The following SAP130 variants were observed in gnomAD, a reference collection of about 807,000 sequenced individuals.
SAP130 encodes histone deacetylase complex subunit SAP130.
A neutral mutation model predicts 103.2 loss-of-function variants in SAP130; 16 were observed. The observed-to-expected ratio is 0.16, with a 90% CI of 0.10 to 0.24. The LOEUF (loss-of-function observed/expected upper bound fraction) is 0.24, where lower values mean the gene tolerates loss of function less well. SAP130 is among the 10% of genes least tolerant of loss of function. The pLI, the probability that SAP130 is intolerant of heterozygous loss-of-function variation, is 1.00. For missense variants in SAP130, 990 were observed against 1,359.7 expected (o/e 0.73, Z 4.28); for synonymous variants, 477 against 497.0 (o/e 0.96, Z 0.53).
At chr2:127,975,588 A>T (rs2104905323) in intron 15 of SAP130, among the ~76,000 whole-genome samples, 1 of 152,346 alleles carries the variant, frequency 6.6e-6, no homozygotes, top group South Asian at 2.1e-4. Flanking sequence ...CAATTATTCA[A>T]GGCTGAAGCG....
chr2:127,996,140 G>C lies in SAP130; in HGVS notation c.1355+210C>G, dbSNP rs566211469. On this transcript the variant is annotated intron_variant, in intron 11 of 20. Coordinates refer to ENST00000643581, the MANE Select transcript of SAP130 (RefSeq NM_001330301.2). This position sits in a 1 kb window ranked among gnomAD's most constrained non-coding sequence, Gnocchi z 4.3. Reference sequence around the variant, plus strand: ...GTTAAACACACAAAACCCAAAAAATGGATACTAGGAAAACATCCATCAAAA... The same window carrying C: ...GTTAAACACACAAAACCCAAAAAATCGATACTAGGAAAACATCCATCAAAA... 8.6e-5 allele frequency among the ~76,000 whole-genome samples: 13 copies of C among 151,898 alleles called. No individual in the cohort carries two copies. The South Asian group carries it at 1.0e-3, about 12-fold the overall frequency.
chr2:128,026,242 G>A lies in SAP130; in HGVS notation c.51C>T (p.Ser17=), dbSNP rs1685488457. ...PRLGAPSTGL[S]QAPSQIANSG... ...TGTTTGCAATCTGAGAAGGGGCCTGGCTCAGCCCGGTAGAAGGGGCTCCTA... is the reference window on the plus strand; with the variant it reads ...TGTTTGCAATCTGAGAAGGGGCCTGACTCAGCCCGGTAGAAGGGGCTCCTA... Residue 17 remains serine (S), a synonymous_variant, in exon 2 of 21, where the codon AGC becomes AGT. Transcript: ENST00000643581. 1 of 1,614,098 alleles carries A rather than the reference G, an allele frequency of 6.2e-7. No homozygotes were observed. Among genetic ancestry groups the A allele is most frequent in the South Asian group, 1.1e-5 (1 of 91,074 alleles).
Position 127,954,972 on chromosome 2 carries a change from A to G in SAP130, c.2422+14T>C. ...GGCAATTGCCAATGGAGAGTATTCT[A>G]TGGACGGACTTACCAGAAACTGGCC... is the stretch of plus-strand genomic sequence containing the variant. On this transcript the variant is annotated intron_variant, in intron 16 of 20. Transcript: ENST00000643581. The G allele has an allele frequency of 1.3e-6, 2 of 1,566,800 alleles. No homozygotes were observed. The highest frequency in any genetic ancestry group is 1.3e-5 in the African/African-American group (1 of 74,270).
At chr2:127,991,999 T>C (rs1184338073) in intron 12 of SAP130, among the ~76,000 whole-genome samples, 2 of 152,150 alleles carry the variant, frequency 1.3e-5, no homozygotes, top group Non-Finnish European at 2.9e-5. Flanking sequence ...TGAGACAGGC[T>C]CTCACTTTGT....
intron 15 of SAP130, among the ~76,000 whole-genome samples, chr2:127,975,214 T>C (rs142966038): frequency 6.6e-6 from 1 of 152,322 alleles, no homozygotes; most frequent in African/African-American, 2.4e-5. Context: ...ACAAAGCATG[T>C]AGTTGTGTTG....
rs1681756496 is a variant in SAP130, at chr2:127,980,082, T to C, written c.1959-1993A>G. On this transcript the variant is annotated intron_variant, in intron 14 of 20. Transcript: ENST00000643581. Reference sequence around the variant, plus strand: ...TTACTAGAGACGGGGTTTCACCATGTTGGCCAGGCTGGTCTCGATCTCCTG... The same window carrying C: ...TTACTAGAGACGGGGTTTCACCATGCTGGCCAGGCTGGTCTCGATCTCCTG... Among the ~76,000 whole-genome samples, 3 of 152,208 alleles carry C rather than the reference T, an allele frequency of 2.0e-5. No homozygotes were observed. The South Asian group carries it at 6.2e-4, about 32-fold the overall frequency.
At chr2:127,959,250 G>C (rs1198251671) in intron 15 of SAP130, among the ~76,000 whole-genome samples, 4 of 152,056 alleles carry the variant, frequency 2.6e-5, no homozygotes, top group Non-Finnish European at 5.9e-5. Context: ...TGATAACATG[G>C]AAATGCAAAA....
At chr2:127,944,515 C>T (rs184571431) in intron 19 of SAP130, among the ~76,000 whole-genome samples, 3 of 152,044 alleles carry the variant, frequency 2.0e-5, no homozygotes, top group Admixed American at 2.0e-4. Context: ...CTGCAACCTC[C>T]ACCTTCTGGT....
At chr2:127,947,035 G>C (rs1040168282) in intron 18 of SAP130, among the ~76,000 whole-genome samples, 17 of 150,912 alleles carry the variant, frequency 1.1e-4, no homozygotes, top group Non-Finnish European at 2.1e-4. Flanking sequence ...AGGAGAGAGA[G>C]AGAGAAAGGA....
intron 15 of SAP130, among the ~76,000 whole-genome samples, chr2:127,965,641 T>C (rs778520388): frequency 2.6e-5 from 4 of 151,612 alleles, no homozygotes; most frequent in Non-Finnish European, 5.9e-5. Context: ...AATACAAAAA[T>C]TAGCTGGGCA....
chr2:128,016,655 T>C (rs1684809811), intron 3 of SAP130, 108 bp from the exon 4 acceptor site: 1 of 1,210,492 alleles, frequency 8.3e-7, no homozygotes, highest in Non-Finnish European at 1.1e-6. Context: ...CCAGGAAAGA[T>C]GCCGTAAGCT....
intron 2 of SAP130, among the ~76,000 whole-genome samples, chr2:128,018,704 A>G (rs1287462613): frequency 1.3e-5 from 2 of 151,826 alleles, no homozygotes; most frequent in African/African-American, 4.8e-5. Flanking sequence ...AGGGAGGAGG[A>G]TCACTTAACC....
chr2:127,979,490 GAA>G (rs869027951), intron 14 of SAP130, among the ~76,000 whole-genome samples: 1 of 76,676 alleles, frequency 1.3e-5, no homozygotes, highest in Non-Finnish European at 3.3e-5. Flanking sequence ...TAAACTGCAG[GAA>G]AAAAAAAAGA....
chr2:127,950,427 C>T lies in SAP130; in HGVS notation c.2423-19G>A, dbSNP rs1559032165. The T allele has an allele frequency of 1.2e-6, 2 of 1,612,604 alleles. No individual in the cohort carries two copies. Among genetic ancestry groups the T allele is most frequent in the African/African-American group, 2.7e-5 (2 of 74,984 alleles). On this transcript the variant is annotated intron_variant, in intron 16 of 20. Transcript: ENST00000643581. ...GGAACTGCTGTCATAGGAAAAGGAG[C>T]ACACATATCTGTAAGAACTCAAAGA...
Position 127,973,536 on chromosome 2 carries a change from G to A in SAP130, c.2063+4449C>T, listed in dbSNP as rs1014201117. On this transcript the variant is annotated intron_variant, in intron 15 of 20. Coordinates refer to ENST00000643581, the MANE Select transcript of SAP130 (RefSeq NM_001330301.2). ...ATTCCAGGCGTGAGCCCCTGTGCCC[G>A]GCTTCCTTCAGAATTTTCTATCTGT... is the stretch of plus-strand genomic sequence containing the variant. Among the ~76,000 whole-genome samples the A allele has an allele frequency of 5.1e-4, 78 of 152,160 alleles. 1 individual carries two copies. The highest frequency in any genetic ancestry group is 1.8e-3 in the African/African-American group (75 of 41,432).
At chr2:128,027,088 TTACCTGTA>T in intron 1 of SAP130, 6 of 1,440,150 alleles carry the variant, frequency 4.2e-6, no homozygotes, top group Non-Finnish European at 5.5e-6. Flanking sequence ...CTGTGCCTCT[TTACCTGTA>T]GCCGCCGCCC....
rs1365373701 is a variant in SAP130, at chr2:128,014,921, G to GA, written c.508-8dup. On this transcript the variant is annotated splice_region_variant and splice_polypyrimidine_tract_variant and intron_variant, in intron 4 of 20. Coordinates refer to ENST00000643581, the MANE Select transcript of SAP130 (RefSeq NM_001330301.2). ...GCAGGTTACTGGGATGGCCCTGAAA[G>GA]AAAGAGGATAGAACGTTATTTTTAC... The GA allele has an allele frequency of 6.2e-7, 1 of 1,608,040 alleles. No homozygotes were observed. The highest frequency in any genetic ancestry group is 1.7e-5 in the Admixed American group (1 of 59,960).
Position 127,967,691 on chromosome 2 carries a change from C to T in SAP130, c.2063+10294G>A, listed in dbSNP as rs116351140. On this transcript the variant is annotated intron_variant, in intron 15 of 20. Transcript: ENST00000643581. ...GATTACAGGCGTGAGCCACTGTGCC[C>T]GGCCATAGCTGGAGATTTCAATAAC... 3.8e-3 allele frequency among the ~76,000 whole-genome samples: 584 copies of T among 152,224 alleles called. 5 individuals carry two copies. The highest frequency in any genetic ancestry group is 0.013 in the African/African-American group (527 of 41,510).
intron 14 of SAP130, among the ~76,000 whole-genome samples, chr2:127,980,413 T>C (rs1681781609): frequency 6.6e-6 from 1 of 152,248 alleles, no homozygotes; most frequent in East Asian, 1.9e-4. Flanking sequence ...GAAACAATGA[T>C]TACTCCTGGT....
Sources: gnomAD v4.1 joint callset for allele counts (sites outside exome capture counted in the v4.1 genomes callset) on GRCh38, gnomAD v4.1.1 for gene constraint, Gnocchi (gnomAD v3.1) non-coding constraint, MANE v1.5 for transcripts, NCBI Gene and HGNC (gene_info 2026-07-23, HGNC 2026-07-21) for gene names.